STMND1: variants seen among roughly 807,000 people sequenced by gnomAD.
STMND1 encodes stathmin domain-containing protein 1.
In STMND1, 17 loss-of-function variants were observed where a neutral mutation model predicts 23.0. The ratio of observed to expected loss-of-function variants is 0.74; its 90% CI spans 0.51 to 1.11. The LOEUF (loss-of-function observed/expected upper bound fraction) is 1.11. Ranked by LOEUF, STMND1 falls within the 50% of genes least tolerant of loss-of-function variation. STMND1 has a pLI of 0.00. For missense variants in STMND1, 305 were observed against 329.1 expected (o/e 0.93, Z 0.57); for synonymous variants, 114 against 119.9 (o/e 0.95, Z 0.32).
chr6:17,103,933 T>G (rs771867514), intron 1 of STMND1, among the ~76,000 whole-genome samples: 4 of 152,142 alleles, frequency 2.6e-5, no homozygotes, highest in Non-Finnish European at 5.9e-5. Context: ...AAGTTTCTCC[T>G]CCACACTGCC....
intron 3 of STMND1, chr6:17,128,358 T>G (rs913255848): frequency 2.6e-5 from 4 of 152,212 alleles, no homozygotes; most frequent in African/African-American, 9.7e-5. Flanking sequence ...AATTATCTCT[T>G]TCTACCACAA....
chr6:17,128,861 C>T, intron 3 of STMND1: 1 of 313,484 alleles, frequency 3.2e-6, no homozygotes, highest in Non-Finnish European at 6.1e-6. Flanking sequence ...TACGGGCACA[C>T]ACCACCATGC....
intron 3 of STMND1, among the ~76,000 whole-genome samples, chr6:17,121,894 G>A (rs572449342): frequency 2.7e-4 from 37 of 137,576 alleles, no homozygotes; most frequent in Middle Eastern, 4.1e-3. Context: ...ATGGAGTCTT[G>A]CTTTGTCACC....
intron 1 of STMND1, among the ~76,000 whole-genome samples, chr6:17,103,444 T>G (rs1226832607): frequency 6.6e-6 from 1 of 152,152 alleles, no homozygotes; most frequent in East Asian, 1.9e-4. Context: ...TAGTGAAGGC[T>G]GACTCCACAT....
intron 1 of STMND1, among the ~76,000 whole-genome samples, chr6:17,103,359 G>A (rs943653314): frequency 3.3e-5 from 5 of 152,106 alleles, no homozygotes; most frequent in African/African-American, 1.2e-4. Context: ...TTAAGTGCCA[G>A]CTGCAGCACC....
intron 2 of STMND1, among the ~76,000 whole-genome samples, chr6:17,120,400 G>A (rs911948058): frequency 1.1e-4 from 16 of 152,284 alleles, no homozygotes; most frequent in African/African-American, 3.6e-4. Flanking sequence ...TAAGTAAACA[G>A]TATATTATGT....
intron 2 of STMND1, among the ~76,000 whole-genome samples, chr6:17,118,026 A>T (rs1277228416): frequency 2.0e-5 from 3 of 152,046 alleles, no homozygotes; most frequent in Non-Finnish European, 4.4e-5. Flanking sequence ...TAATACATCA[A>T]ATTAGGAGGT....
intron 1 of STMND1, among the ~76,000 whole-genome samples, chr6:17,106,574 C>A (rs2113472809): frequency 6.6e-6 from 1 of 152,196 alleles, no homozygotes; most frequent in South Asian, 2.1e-4. Flanking sequence ...CTTTCCTAGC[C>A]CCAAGCACTT....
intron 1 of STMND1, among the ~76,000 whole-genome samples, chr6:17,113,094 C>T (rs1319682063): frequency 3.3e-5 from 5 of 152,184 alleles, no homozygotes; most frequent in African/African-American, 4.8e-5. Context: ...TGAGCAAACA[C>T]ATCTGGGCAA....
At position 17,114,963 on chromosome 6, in the gene STMND1, CTGA is replaced by C; in HGVS notation, c.86_88del (p.Asp29del). 1 of 1,513,466 alleles carries C rather than the reference CTGA, an allele frequency of 6.6e-7. No individual in the cohort carries two copies. The highest frequency in any genetic ancestry group is 8.8e-7 in the Non-Finnish European group (1 of 1,139,476). The allele number at this position is 1,513,466 out of a possible 1,614,324, so 93.8% of individuals were successfully genotyped here. A position where few individuals can be genotyped will look rare whatever the true frequency, so the allele number is the denominator to read the frequency against. On this transcript the variant is annotated inframe_deletion and splice_region_variant, in exon 2 of 5. Coordinates refer to ENST00000536551, the MANE Select transcript of STMND1 (RefSeq NM_001190766.2). ...AACAAAACTGTTCCCTTTTCACAGG[CTGA>C]TGTCAGTGTGCCTCATACTGGGGAA...
intron 1 of STMND1, among the ~76,000 whole-genome samples, chr6:17,107,479 C>T (rs1413352561): frequency 6.6e-6 from 1 of 152,116 alleles, no homozygotes; most frequent in Non-Finnish European, 1.5e-5. Flanking sequence ...ACACTGAATC[C>T]GTACCCCCGA....
Position 17,131,075 on chromosome 6 carries a change from G to C in STMND1, c.*194G>C. 2 of 507,648 alleles carry C rather than the reference G, an allele frequency of 3.9e-6. No homozygotes were observed. Among genetic ancestry groups the C allele is most frequent in the South Asian group, 8.7e-5 (2 of 23,100 alleles). The allele number at this position is 507,648 out of a possible 1,614,324, so 31.4% of individuals were successfully genotyped here. A position where few individuals can be genotyped will look rare whatever the true frequency, so the allele number is the denominator to read the frequency against. On this transcript the variant is annotated 3_prime_UTR_variant, in exon 5 of 5. Transcript: ENST00000536551. ...GTAGCTATGCTAGCTTTTAAAAAAA[G>C]AGCGAGGGGGAGACTTGACCAGCAT...
chr6:17,129,389 A>T, intron 4 of STMND1, 146 bp downstream of exon 4: 1 of 864,398 alleles, frequency 1.2e-6, no homozygotes, highest in Non-Finnish European at 1.6e-6. Flanking sequence ...AATTTTTTTA[A>T]AAGACAAAGT....
At chr6:17,109,436 T>C (rs1327588627) in intron 1 of STMND1, among the ~76,000 whole-genome samples, 1 of 152,216 alleles carries the variant, frequency 6.6e-6, no homozygotes, top group African/African-American at 2.4e-5. Flanking sequence ...ACCTAGCCAT[T>C]GTGATCTCTA....
At chr6:17,114,645 A>C (rs1226695685) in intron 1 of STMND1, among the ~76,000 whole-genome samples, 4 of 152,230 alleles carry the variant, frequency 2.6e-5, no homozygotes, top group Non-Finnish European at 5.9e-5. Context: ...TCCTATGAGA[A>C]TCTAATGTCA....
chr6:17,102,802 A>G (rs1307021899), intron 1 of STMND1, among the ~76,000 whole-genome samples: 6 of 152,140 alleles, frequency 3.9e-5, no homozygotes, highest in African/African-American at 1.2e-4. Context: ...GCTGGGAGAG[A>G]TCTCAGAACC....
chr6:17,120,515 G>A, intron 2 of STMND1, 92 bp from the exon 3 acceptor site: 6 of 919,294 alleles, frequency 6.5e-6, no homozygotes, highest in Non-Finnish European at 9.3e-6. Context: ...TAATTAAGTA[G>A]CATGGTTTAG....
At chr6:17,110,531 A>T (rs1761082957) in intron 1 of STMND1, 2 of 257,414 alleles carry the variant, frequency 7.8e-6, no homozygotes, top group Non-Finnish European at 1.6e-5. Context: ...ACACTTTGGG[A>T]GGCCGAGGTG....
At chr6:17,124,236 T>C (rs192802352) in intron 3 of STMND1, among the ~76,000 whole-genome samples, 1 of 152,276 alleles carries the variant, frequency 6.6e-6, no homozygotes, top group African/African-American at 2.4e-5. Flanking sequence ...TTAAATAAAA[T>C]ATTATGGGAA....
Sources: allele counts gnomAD v4.1 joint callset (sites outside exome capture counted in the v4.1 genomes callset), GRCh38; gene constraint gnomAD v4.1.1; transcripts MANE v1.5; gene names NCBI Gene and HGNC (gene_info 2026-07-23, HGNC 2026-07-21).